Variants in RAP1GAP2 observed in about 807,000 individuals in gnomAD.
RAP1GAP2 encodes the protein rap1 GTPase-activating protein 2.
In RAP1GAP2, 27 loss-of-function variants were observed where a neutral mutation model predicts 95.0. The observed-to-expected ratio is 0.28, with a 90% CI of 0.21 to 0.39. The LOEUF (loss-of-function observed/expected upper bound fraction) is 0.39, where lower values mean the gene tolerates loss of function less well. Among genes scored for constraint, RAP1GAP2 ranks in the 10% least tolerant of loss-of-function variants. The pLI is 1.00. For synonymous variants in RAP1GAP2, 373 were observed against 380.9 expected (o/e 0.98, Z 0.24); for missense variants, 771 against 970.0 (o/e 0.79, Z 2.72).
At chr17:2,770,620 C>T (rs1007661465) in intron 2 of RAP1GAP2, among the ~76,000 whole-genome samples, 1 of 152,262 alleles carries the variant, frequency 6.6e-6, no homozygotes, top group Non-Finnish European at 1.5e-5. Flanking sequence ...CTTGTCCCAC[C>T]TCGAATGCAC....
intron 2 of RAP1GAP2, among the ~76,000 whole-genome samples, chr17:2,804,649 C>A (rs2069439515): frequency 6.6e-6 from 1 of 152,228 alleles, no homozygotes; most frequent in Non-Finnish European, 1.5e-5. Flanking sequence ...CATCCCCTTG[C>A]TGGAGGCCTG....
chr17:2,812,015 G>A (rs2069790337), intron 2 of RAP1GAP2, among the ~76,000 whole-genome samples: 1 of 152,098 alleles, frequency 6.6e-6, no homozygotes, highest in Admixed American at 6.6e-5. Context: ...GCGCCTGGCC[G>A]GAAATCTGGA....
At position 2,819,933 on chromosome 17, in the gene RAP1GAP2, C is replaced by T. The variant is rs563275840; in HGVS notation, c.80+19383C>T. ...CCCACGTGGTTGGGACTACAGCATG[C>T]ACCACCATGCTTGGTTAAGTTTTTA... On this transcript the variant is annotated intron_variant, in intron 2 of 24. Coordinates refer to ENST00000254695, the MANE Select transcript of RAP1GAP2 (RefSeq NM_015085.5). Among the ~76,000 whole-genome samples, 28 of 151,982 alleles carry T rather than the reference C, an allele frequency of 1.8e-4. 1 individual carries two copies. The highest frequency in any genetic ancestry group is 1.7e-3 in the Admixed American group (26 of 15,242).
chr17:2,985,779 T>G (rs1164565368), intron 11 of RAP1GAP2, among the ~76,000 whole-genome samples: 3 of 152,320 alleles, frequency 2.0e-5, no homozygotes, highest in East Asian at 1.9e-4. Flanking sequence ...GTCACTTGTG[T>G]GGGAACCTTT....
rs1182795140 is a variant in RAP1GAP2 at position 2,965,711 on chromosome 17, TG to T, written c.596+71del. 2.5e-6 allele frequency: 3 copies of T among 1,202,396 alleles called. No homozygotes were observed. In the Admixed American group the frequency reaches 6.0e-5, roughly 24 times the overall value. The allele number at this position is 1,202,396 out of a possible 1,614,324, so 74.5% of individuals were successfully genotyped here. On this transcript the variant is annotated intron_variant, in intron 8 of 24. Coordinates refer to ENST00000254695, the MANE Select transcript of RAP1GAP2 (RefSeq NM_015085.5). The surrounding 1 kb of genome is among the most constrained non-coding windows in gnomAD (Gnocchi z 4.7). ...GGGCTCTCATCGGTGGTGTGGGGGC[TG>T]GGATGGGACTCAGAAATACCAGACT...
In RAP1GAP2 at chr17:2,963,494, T is replaced by A; in HGVS notation, c.279+32T>A. 1 of 1,613,354 alleles carries A rather than the reference T, an allele frequency of 6.2e-7. No homozygotes were observed. ...GCCCTCCCCTCACTCCCACCTGCCCTGCAGCCTGCTCTGGGTCCCGTCCCT... is the reference window on the plus strand; with the variant it reads ...GCCCTCCCCTCACTCCCACCTGCCCAGCAGCCTGCTCTGGGTCCCGTCCCT... On this transcript the variant is annotated intron_variant, in intron 6 of 24. Transcript: ENST00000254695. This position sits in a 1 kb window ranked among gnomAD's most constrained non-coding sequence, Gnocchi z 4.8.
At chr17:2,884,962 A>G (rs1159426447) in intron 2 of RAP1GAP2, among the ~76,000 whole-genome samples, 1 of 151,788 alleles carries the variant, frequency 6.6e-6, no homozygotes, top group Non-Finnish European at 1.5e-5. Context: ...GATGGTCAAG[A>G]CAGTCCCTGT....
At chr17:2,807,883 G>A (rs34974376) in intron 2 of RAP1GAP2, among the ~76,000 whole-genome samples, 4,759 of 152,216 alleles carry the variant, frequency 0.031, 110 homozygotes, top group Middle Eastern at 0.048. Flanking sequence ...TTAGAGAGGA[G>A]GCAGGGCGGC....
intron 23 of RAP1GAP2, among the ~76,000 whole-genome samples, chr17:3,032,138 G>T (rs889942460): frequency 1.6e-5 from 2 of 128,300 alleles, no homozygotes; most frequent in Non-Finnish European, 3.2e-5. Flanking sequence ...CCTGGGTCCC[G>T]AATCCCTTCC....
intron 1 of RAP1GAP2, chr17:2,800,303 TAC>T (rs2069229424): frequency 1.1e-6 from 1 of 881,614 alleles, no homozygotes; most frequent in African/African-American, 1.8e-5. Flanking sequence ...AGAATAATAA[TAC>T]GCATGTTGTA....
chr17:2,991,531 G>T (rs1019759593), intron 12 of RAP1GAP2, 134 bp downstream of exon 12: 5 of 680,552 alleles, frequency 7.3e-6, no homozygotes, highest in Non-Finnish European at 1.3e-5. Context: ...TCAGGGTCTT[G>T]TCGCTCACTG....
rs770298131 is a variant in RAP1GAP2 at position 2,957,809 on chromosome 17, C to A, written c.201+15C>A. 1.3e-6 allele frequency: 2 copies of A among 1,578,106 alleles called. No homozygotes were observed. The highest frequency in any genetic ancestry group is 2.3e-5 in the South Asian group (2 of 87,004). ...AGAAAATGCAGGTGAGTACGTACCC[C>A]CACCGTGGCGGGGAAGAAGCCCAGC... On this transcript the variant is annotated intron_variant, in intron 4 of 24. Coordinates refer to ENST00000254695, the MANE Select transcript of RAP1GAP2 (RefSeq NM_015085.5).
Position 2,784,363 on chromosome 17 carries a change from C to T in RAP1GAP2, c.-14+7085C>T, listed in dbSNP as rs546204995. On this transcript the variant is annotated intron_variant, in intron 1 of 24. Coordinates refer to the RAP1GAP2 transcript ENST00000540393. Reference sequence around the variant, plus strand: ...TCGGCTCACTGCGACCTCCATCTCCCGGACTCAAGCGATTCTCCTGCCTCA... The same window carrying T: ...TCGGCTCACTGCGACCTCCATCTCCTGGACTCAAGCGATTCTCCTGCCTCA... Among the ~76,000 whole-genome samples, 4 of 152,186 alleles carry T rather than the reference C, an allele frequency of 2.6e-5. No individual in the cohort carries two copies. The East Asian group carries it at 5.8e-4, about 22-fold the overall frequency.
At position 3,005,485 on chromosome 17, in the gene RAP1GAP2, G is replaced by A. The variant is rs1412675725; in HGVS notation, c.1272+45G>A. ...GCCCCTCTCGCATCCACGATGCCAG[G>A]TCTCAGTGCTTGAGTAGCAATGGTT... On this transcript the variant is annotated intron_variant, in intron 15 of 24. Coordinates refer to ENST00000254695, the MANE Select transcript of RAP1GAP2 (RefSeq NM_015085.5). This position sits in a 1 kb window ranked among gnomAD's most constrained non-coding sequence, Gnocchi z 5.2. 6 of 1,562,710 alleles carry A rather than the reference G, an allele frequency of 3.8e-6. No homozygotes were observed. The highest frequency in any genetic ancestry group is 2.2e-5 in the East Asian group (1 of 44,616).
At chr17:2,756,219 G>A (rs2071140940) in intron 1 of RAP1GAP2, among the ~76,000 whole-genome samples, 1 of 152,244 alleles carries the variant, frequency 6.6e-6, no homozygotes, top group African/African-American at 2.4e-5. Context: ...ACCCCTGCGT[G>A]GAAAGGGGTG....
chr17:2,905,173 C>T (rs1393077356), intron 2 of RAP1GAP2, 111 bp from the exon 3 acceptor site: 1 of 1,000,930 alleles, frequency 1.0e-6, no homozygotes, highest in Non-Finnish European at 1.5e-6. Context: ...GTGAGCCACC[C>T]AACCCAGCCT....
At chr17:2,997,870 CCGAGATCGTGCCA>C (rs762557939) in intron 13 of RAP1GAP2, among the ~76,000 whole-genome samples, 4 of 150,250 alleles carry the variant, frequency 2.7e-5, no homozygotes, top group Non-Finnish European at 5.9e-5. Context: ...TTGCAGTGAG[CCGAGATCGTGCCA>C]CGGCACTCCA....
At chr17:2,832,541 G>C (rs1209843360) in intron 2 of RAP1GAP2, among the ~76,000 whole-genome samples, 9 of 132,100 alleles carry the variant, frequency 6.8e-5, no homozygotes, top group Admixed American at 1.7e-4. Flanking sequence ...CTGGGCGACA[G>C]AGCGAGACTC....
At chr17:3,015,058 T>G (rs2046710754) in intron 17 of RAP1GAP2, among the ~76,000 whole-genome samples, 1 of 152,174 alleles carries the variant, frequency 6.6e-6, no homozygotes, top group Non-Finnish European at 1.5e-5. Flanking sequence ...CAGGGACACC[T>G]CAGTGTGCCA....
Sources: gnomAD v4.1 joint callset for allele counts (sites outside exome capture counted in the v4.1 genomes callset) on GRCh38, gnomAD v4.1.1 for gene constraint, Gnocchi (gnomAD v3.1) non-coding constraint, MANE v1.5 for transcripts, NCBI Gene and HGNC (gene_info 2026-07-23, HGNC 2026-07-21) for gene names.